FSIP1: variants seen among roughly 807,000 people sequenced by gnomAD.
FSIP1 encodes the protein fibrous sheath interacting protein 1.
In FSIP1, 65 loss-of-function variants were observed where a neutral mutation model predicts 60.9. The observed-to-expected ratio is 1.07, with a 90% CI of 0.87 to 1.31. The LOEUF (loss-of-function observed/expected upper bound fraction) is 1.31, where lower values mean the gene tolerates loss of function less well. Among genes scored for constraint, FSIP1 ranks in the 40% most tolerant of loss-of-function variants. The pLI, the probability that FSIP1 is intolerant of heterozygous loss-of-function variation, is 0.00. For synonymous variants in FSIP1, 209 were observed against 221.2 expected (o/e 0.94, Z 0.49); for missense variants, 675 against 665.5 (o/e 1.01, Z -0.16).
chr15:39,733,065 G>A (rs1021508473), intron 8 of FSIP1, among the ~76,000 whole-genome samples: 2 of 151,672 alleles, frequency 1.3e-5, no homozygotes, highest in Non-Finnish European at 2.9e-5. Flanking sequence ...TTTTTGAGAC[G>A]AGTCTCTCTC....
chr15:39,713,413 A>T (rs779586794), intron 10 of FSIP1, 31 bp downstream of exon 10: 90 of 1,550,904 alleles, frequency 5.8e-5, no homozygotes, highest in Non-Finnish European at 7.7e-5. Context: ...TTTTTTTCTT[A>T]AAAAAAATTA....
chr15:39,638,855 G>T (rs1046496706), intron 10 of FSIP1, among the ~76,000 whole-genome samples: 5 of 150,294 alleles, frequency 3.3e-5, no homozygotes, highest in Non-Finnish European at 7.5e-5. Flanking sequence ...TGTGTGTGTG[G>T]TGGGGGGTGG....
intron 10 of FSIP1, among the ~76,000 whole-genome samples, chr15:39,658,025 CA>C (rs1001916183): frequency 2.6e-5 from 4 of 152,102 alleles, no homozygotes; most frequent in African/African-American, 9.7e-5. Flanking sequence ...TGCAACTTAA[CA>C]AGAGTATTAA....
intron 10 of FSIP1, among the ~76,000 whole-genome samples, chr15:39,653,907 A>C (rs1025672012): frequency 1.3e-4 from 20 of 152,182 alleles, no homozygotes; most frequent in African/African-American, 4.8e-4. Context: ...AAACAGACTA[A>C]TACACTATTT....
chr15:39,670,297 G>A lies in FSIP1; in HGVS notation c.1188+43147C>T, dbSNP rs970345619. Among the ~76,000 whole-genome samples, 10 of 152,322 alleles carry A rather than the reference G, an allele frequency of 6.6e-5. No homozygotes were observed. In the South Asian group the frequency reaches 2.1e-3, roughly 32 times the overall value. ...GCCAGTCAATGTCTGGGTAGGCAGAGCTATTCCGATAGTGGTTATCTTGCT... is the reference window on the plus strand; with the variant it reads ...GCCAGTCAATGTCTGGGTAGGCAGAACTATTCCGATAGTGGTTATCTTGCT... On this transcript the variant is annotated intron_variant, in intron 10 of 11. Coordinates refer to ENST00000350221, the MANE Select transcript of FSIP1 (RefSeq NM_152597.5).
At chr15:39,778,466 A>G (rs983059645) in intron 1 of FSIP1, among the ~76,000 whole-genome samples, 1 of 152,230 alleles carries the variant, frequency 6.6e-6, no homozygotes, top group Non-Finnish European at 1.5e-5. Flanking sequence ...TGGGGACTCA[A>G]TAACAGACTA....
At chr15:39,709,495 G>A (rs1467784145) in intron 10 of FSIP1, among the ~76,000 whole-genome samples, 1 of 152,142 alleles carries the variant, frequency 6.6e-6, no homozygotes, top group Non-Finnish European at 1.5e-5. Context: ...ACACAAACTA[G>A]TTTTAGATAC....
chr15:39,698,182 A>G lies in FSIP1; in HGVS notation c.1188+15262T>C, dbSNP rs568600784. ...GATTTCAAATATATATATATATAAA[A>G]TATTAATTGTATATATATATAATAT... On this transcript the variant is annotated intron_variant, in intron 10 of 11. Coordinates refer to ENST00000350221, the MANE Select transcript of FSIP1 (RefSeq NM_152597.5). 4.7e-3 allele frequency among the ~76,000 whole-genome samples: 436 copies of G among 92,360 alleles called. 2 individuals carry two copies. The highest frequency in any genetic ancestry group is 5.3e-3 in the Non-Finnish European group (195 of 36,742). The allele number at this position is 92,360 out of a possible 152,430, so 60.6% of individuals were successfully genotyped here. A position where few individuals can be genotyped will look rare whatever the true frequency, so the allele number is the denominator to read the frequency against.
At chr15:39,673,785 G>A (rs1034031659) in intron 10 of FSIP1, among the ~76,000 whole-genome samples, 9 of 151,930 alleles carry the variant, frequency 5.9e-5, no homozygotes, top group Admixed American at 2.6e-4. Context: ...CCTATCAAGT[G>A]TTTCTCTTCA....
At chr15:39,619,691 A>T (rs1349582621) in intron 10 of FSIP1, among the ~76,000 whole-genome samples, 2 of 152,222 alleles carry the variant, frequency 1.3e-5, no homozygotes, top group African/African-American at 4.8e-5. Context: ...AAAATGAAGG[A>T]AGTCCTTCTA....
chr15:39,638,803 C>T (rs544179988), intron 10 of FSIP1, among the ~76,000 whole-genome samples: 28 of 142,136 alleles, frequency 2.0e-4, no homozygotes, highest in African/African-American at 7.0e-4. Context: ...CATGTGGGTG[C>T]GTGTGTGGGT....
chr15:39,709,687 G>A (rs759889614), intron 10 of FSIP1, among the ~76,000 whole-genome samples: 26 of 151,990 alleles, frequency 1.7e-4, no homozygotes, highest in Non-Finnish European at 2.5e-4. Context: ...TATGGTTTTT[G>A]GATGAAACTG....
At chr15:39,777,303 C>T (rs35652496) in intron 1 of FSIP1, among the ~76,000 whole-genome samples, 49,555 of 151,898 alleles carry the variant, frequency 0.33, 9,161 homozygotes, top group Admixed American at 0.43. Flanking sequence ...CCCCGTGGGG[C>T]TGCATTTTCA....
intron 11 of FSIP1, among the ~76,000 whole-genome samples, chr15:39,614,523 T>C (rs889655586): frequency 6.6e-6 from 1 of 151,824 alleles, no homozygotes; most frequent in Non-Finnish European, 1.5e-5. Context: ...CACGCACCTG[T>C]AATTTTGGCT....
intron 9 of FSIP1, among the ~76,000 whole-genome samples, chr15:39,716,594 T>C (rs1566898572): frequency 6.6e-6 from 1 of 152,166 alleles, no homozygotes; most frequent in Non-Finnish European, 1.5e-5. Flanking sequence ...AAAAGCTATG[T>C]GCATGACAAA....
At chr15:39,622,928 C>A (rs745628306) in intron 10 of FSIP1, among the ~76,000 whole-genome samples, 1 of 152,102 alleles carries the variant, frequency 6.6e-6, no homozygotes, top group Admixed American at 6.5e-5. Flanking sequence ...ACTTTATTGC[C>A]CAGATTGGCT....
At chr15:39,780,280 T>C (rs894206251) in intron 1 of FSIP1, among the ~76,000 whole-genome samples, 1 of 152,160 alleles carries the variant, frequency 6.6e-6, no homozygotes, top group African/African-American at 2.4e-5. Context: ...TCCCAGCACT[T>C]TGGGAGGCCG....
intron 10 of FSIP1, among the ~76,000 whole-genome samples, chr15:39,702,693 G>A (rs1440415699): frequency 6.6e-6 from 1 of 150,556 alleles, no homozygotes; most frequent in East Asian, 2.0e-4. Context: ...AATATGGTGT[G>A]AGTGTGTATC....
chr15:39,611,506 A>C (rs1891030893), intron 11 of FSIP1, among the ~76,000 whole-genome samples: 1 of 152,204 alleles, frequency 6.6e-6, no homozygotes, highest in African/African-American at 2.4e-5. Context: ...AACCTGTAAT[A>C]GTTGCACAAA....
Sources: allele counts gnomAD v4.1 joint callset (sites outside exome capture counted in the v4.1 genomes callset), GRCh38; gene constraint gnomAD v4.1.1; transcripts MANE v1.5; gene names NCBI Gene and HGNC (gene_info 2026-07-23, HGNC 2026-07-21).